Variants in INO80 observed in about 807,000 individuals in gnomAD.
INO80 encodes the protein INO80 complex ATPase subunit.
INO80 carries 20 observed loss-of-function variants against 203.4 expected under a neutral mutation model. The observed-to-expected ratio is 0.10, with a 90% CI of 0.07 to 0.14. The LOEUF is 0.14. Among genes scored for constraint, INO80 ranks in the 10% least tolerant of loss-of-function variants. The probability of loss-of-function intolerance (pLI) is 1.00; values close to 1 mark genes in which losing one functional copy is unlikely to be tolerated. For missense variants in INO80, 1,419 were observed against 1,914.4 expected, an observed-to-expected ratio of 0.74 and a Z score of 4.83; for synonymous variants, 726 against 685.2, an observed-to-expected ratio of 1.06 and a Z score of -0.93.
At chr15:40,984,810 G>A (rs1893959628) in intron 32 of INO80, among the ~76,000 whole-genome samples, 2 of 152,162 alleles carry the variant, frequency 1.3e-5, no homozygotes, top group Admixed American at 6.5e-5. Context: ...AAAAGAGAGG[G>A]CCAATGCTTT....
At chr15:41,069,181 T>G (rs2045272018) in intron 14 of INO80, among the ~76,000 whole-genome samples, 1 of 152,214 alleles carries the variant, frequency 6.6e-6, no homozygotes, top group Admixed American at 6.5e-5. Context: ...CTGGATGGAG[T>G]GCAGCGGCAC....
chr15:41,005,513 TA>T (rs76845507), intron 28 of INO80, 79 bp downstream of exon 28: 78,913 of 542,810 alleles, frequency 0.15, no homozygotes, highest in South Asian at 0.19. Context: ...TCCTGGCATT[TA>T]AAAAAAAAAA....
At chr15:41,052,277 A>C (rs919853889) in intron 19 of INO80, among the ~76,000 whole-genome samples, 1 of 152,188 alleles carries the variant, frequency 6.6e-6, no homozygotes, top group Non-Finnish European at 1.5e-5. Context: ...TATTAGCTAA[A>C]ATCAGCCAAT....
intron 8 of INO80, among the ~76,000 whole-genome samples, chr15:41,080,272 C>A (rs1430441983): frequency 6.6e-6 from 1 of 152,164 alleles, no homozygotes; most frequent in East Asian, 1.9e-4. Flanking sequence ...TTACTCTTCA[C>A]AAAAACCCTA....
chr15:41,026,295 G>C (rs1176956124), intron 25 of INO80, among the ~76,000 whole-genome samples: 1 of 152,206 alleles, frequency 6.6e-6, no homozygotes, highest in Non-Finnish European at 1.5e-5. Context: ...GCTCACATCT[G>C]TGATCCCAGC....
At chr15:41,052,857 CAAAA>C (rs886971015) in intron 19 of INO80, among the ~76,000 whole-genome samples, 9 of 93,564 alleles carry the variant, frequency 9.6e-5, no homozygotes, top group African/African-American at 3.6e-4. Flanking sequence ...CTGGTCGCTA[CAAAA>C]AAAAAAAAAA....
intron 14 of INO80, among the ~76,000 whole-genome samples, chr15:41,063,635 G>A (rs1370511548): frequency 1.3e-5 from 2 of 152,118 alleles, no homozygotes; most frequent in East Asian, 1.9e-4. Flanking sequence ...TTAGCCGGGC[G>A]TGGTGGCATG....
chr15:41,045,043 G>T lies in INO80; in HGVS notation c.2768C>A (p.Ser923Tyr). Residue 923 changes from serine to tyrosine, a missense_variant, in exon 24 of 36, where the codon TCC becomes TAC. Ser to Tyr is a moderately radical substitution (Grantham distance 144). Transcript: ENST00000648947. ...WLALFLSLKA[S>Y]YRLHQLRSWG... The stretch of plus-strand genomic sequence containing the variant: ...GGAGCGTAGCTGATGGAGCCTGTAG[G>T]AGGCTTTCAGAGACAGGAAAAGAGC... 1 of 1,608,166 alleles carries T rather than the reference G, an allele frequency of 6.2e-7. No homozygotes were observed. Among genetic ancestry groups the T allele is most frequent in the African/African-American group, 1.3e-5 (1 of 74,606 alleles).
chr15:41,079,925 A>T, intron 8 of INO80, 21 bp from the exon 9 acceptor site: 1 of 1,610,870 alleles, frequency 6.2e-7, no homozygotes, highest in Non-Finnish European at 8.5e-7. Flanking sequence ...CAACAGCATT[A>T]CAGCGGAAAG....
intron 6 of INO80, 99 bp downstream of exon 6, chr15:41,087,463 C>T (rs772403875): frequency 3.4e-5 from 43 of 1,255,588 alleles, no homozygotes; most frequent in Non-Finnish European, 4.7e-5. Flanking sequence ...CAAATTTCTA[C>T]CATATGGACT....
chr15:41,008,553 T>C (rs2044084976), intron 27 of INO80, among the ~76,000 whole-genome samples: 2 of 152,230 alleles, frequency 1.3e-5, no homozygotes, highest in Admixed American at 1.3e-4. Context: ...TGTGAACTCT[T>C]CTAAGAGAGA....
intron 7 of INO80, among the ~76,000 whole-genome samples, chr15:41,083,088 C>G (rs2045508741): frequency 6.6e-6 from 1 of 151,858 alleles, no homozygotes; most frequent in Admixed American, 6.6e-5. Flanking sequence ...CGAGACCAGC[C>G]TGGCTAATAG....
At chr15:41,017,484 G>A (rs978994065) in intron 26 of INO80, 174 of 152,350 alleles carry the variant, frequency 1.1e-3, no homozygotes, top group African/African-American at 4.0e-3. Flanking sequence ...CTCAGTTTCT[G>A]GGTTTGAACC....
intron 11 of INO80, among the ~76,000 whole-genome samples, chr15:41,072,641 C>CAAAAAAAAAAAAAAAAAAAAGAAAAAA (rs747499405): frequency 2.2e-5 from 1 of 45,982 alleles, no homozygotes; most frequent in Non-Finnish European, 4.6e-5. Context: ...ACTCCCGCCT[C>CAAAAAAAAAAAAAAAAAAAAGAAAAAA]AAAAAAAAAA....
chr15:41,007,182 CTTTTTTTTTTTTT>C (rs11330780), intron 27 of INO80, among the ~76,000 whole-genome samples: 19 of 119,312 alleles, frequency 1.6e-4, no homozygotes, highest in African/African-American at 4.6e-4. Context: ...TTTTTTTTTT[CTTTTTTTTTTTTT>C]TTTTTTTAGA....
intron 28 of INO80, chr15:40,997,835 G>A (rs2043899708): frequency 5.0e-6 from 2 of 402,088 alleles, no homozygotes; most frequent in Admixed American, 7.4e-5. Context: ...CCCACTAATA[G>A]ATGACTGATA....
At chr15:41,067,219 G>C (rs989472827) in intron 14 of INO80, among the ~76,000 whole-genome samples, 9 of 151,896 alleles carry the variant, frequency 5.9e-5, no homozygotes, top group Non-Finnish European at 1.2e-4. Context: ...TGGGATTACA[G>C]GCGCCCGCCA....
chr15:41,002,505 G>T (rs1291582855), intron 28 of INO80, among the ~76,000 whole-genome samples: 2 of 152,044 alleles, frequency 1.3e-5, no homozygotes, highest in Non-Finnish European at 2.9e-5. Context: ...CTAATAATTG[G>T]GTAAGCCAGG....
chr15:41,115,031 C>T (rs1389306115), intron 1 of INO80, among the ~76,000 whole-genome samples: 2 of 152,108 alleles, frequency 1.3e-5, no homozygotes, highest in Admixed American at 6.6e-5. Flanking sequence ...GTATTTGAAT[C>T]ATATTTCAAT....
Sources: gnomAD v4.1 joint callset for allele counts (sites outside exome capture counted in the v4.1 genomes callset) on GRCh38, gnomAD v4.1.1 for gene constraint, MANE v1.5 for transcripts, NCBI Gene and HGNC (gene_info 2026-07-23, HGNC 2026-07-21) for gene names.